Variants in KHDRBS3 observed in about 807,000 individuals in gnomAD.
The protein encoded by KHDRBS3 is KH RNA binding domain containing, signal transduction associated 3, also known as KH domain-containing, RNA-binding, signal transduction-associated protein 3.
A neutral mutation model predicts 45.6 loss-of-function variants in KHDRBS3; 23 were observed. The observed-to-expected ratio is 0.50, with a 90% CI of 0.36 to 0.72. The LOEUF (loss-of-function observed/expected upper bound fraction) is 0.72. Ranked by LOEUF, KHDRBS3 falls within the 30% of genes least tolerant of loss-of-function variation. KHDRBS3 has a pLI of 0.00. For missense variants in KHDRBS3, 352 were observed against 424.8 expected (o/e 0.83, Z 1.51); for synonymous variants, 162 against 156.5 (o/e 1.04, Z -0.26).
intron 1 of KHDRBS3, among the ~76,000 whole-genome samples, chr8:135,509,235 T>A (rs1824156010): frequency 6.6e-6 from 1 of 152,230 alleles, no homozygotes; most frequent in African/African-American, 2.4e-5. Flanking sequence ...GACTTGTTTC[T>A]TGGAAGGTTT....
At chr8:135,548,731 G>A in intron 3 of KHDRBS3, 23 bp from the exon 4 acceptor site, 2 of 1,486,024 alleles carry the variant, frequency 1.3e-6, no homozygotes, top group Non-Finnish European at 1.8e-6. Flanking sequence ...TTTTAAATGT[G>A]ATTTCTTTTT....
intron 7 of KHDRBS3, among the ~76,000 whole-genome samples, chr8:135,630,478 G>GT (rs1249397026): frequency 6.1e-3 from 159 of 26,030 alleles, no homozygotes; most frequent in African/African-American, 0.016. Context: ...GAGTTATAAA[G>GT]TTTAATGTAT....
At chr8:135,521,532 T>A (rs1339665792) in intron 2 of KHDRBS3, among the ~76,000 whole-genome samples, 177 bp downstream of exon 2, 2 of 152,232 alleles carry the variant, frequency 1.3e-5, no homozygotes, top group Non-Finnish European at 2.9e-5. Flanking sequence ...TTCCCTTTAG[T>A]GTGAGTTACA....
At chr8:135,588,531 C>T (rs1828592973) in intron 6 of KHDRBS3, among the ~76,000 whole-genome samples, 1 of 152,132 alleles carries the variant, frequency 6.6e-6, no homozygotes, top group Non-Finnish European at 1.5e-5. Flanking sequence ...AAAGGTGGGA[C>T]AGCAAGTTTC....
intron 7 of KHDRBS3, among the ~76,000 whole-genome samples, chr8:135,616,790 G>C (rs1451631075): frequency 6.6e-6 from 1 of 152,120 alleles, no homozygotes; most frequent in Admixed American, 6.5e-5. Context: ...AAGTCTGTAA[G>C]ATAAAGACCT....
chr8:135,576,316 G>A (rs1014627399), intron 5 of KHDRBS3, among the ~76,000 whole-genome samples: 6 of 152,088 alleles, frequency 3.9e-5, no homozygotes, highest in Admixed American at 1.3e-4. Context: ...TAAGAAGTGG[G>A]GAATTACAGT....
downstream of KHDRBS3, among the ~76,000 whole-genome samples, chr8:135,651,231 T>A (rs1831421948): frequency 6.6e-6 from 1 of 151,956 alleles, no homozygotes; most frequent in South Asian, 2.1e-4. Flanking sequence ...GTCAGTAAGT[T>A]AACCTCTCTA....
At chr8:135,626,348 A>G (rs1428149899) in intron 7 of KHDRBS3, among the ~76,000 whole-genome samples, 1 of 152,252 alleles carries the variant, frequency 6.6e-6, no homozygotes, top group African/African-American at 2.4e-5. Flanking sequence ...TTACAGTAAG[A>G]TGGAGAAACC....
chr8:135,585,449 G>T (rs994395166), intron 6 of KHDRBS3, among the ~76,000 whole-genome samples: 16 of 151,982 alleles, frequency 1.1e-4, no homozygotes, highest in Admixed American at 1.0e-3. Flanking sequence ...TTCCATGAGG[G>T]TAGGCACTCT....
In KHDRBS3 at chr8:135,510,005, G is replaced by A. The variant is rs183603715; in HGVS notation, c.89-11232G>A. 4.3e-3 allele frequency among the ~76,000 whole-genome samples: 526 copies of A among 122,960 alleles called. 6 individuals carry two copies. The highest frequency in any genetic ancestry group is 0.016 in the African/African-American group (479 of 29,776). The allele number at this position is 122,960 out of a possible 152,430, so 80.7% of individuals were successfully genotyped here. ...TTTTTTTTTTTTTGCTTAAAGACCT[G>A]AGTCTCTCTCTCTGTGCAGGCTGGA... On this transcript the variant is annotated intron_variant, in intron 1 of 8. Transcript: ENST00000355849.
chr8:135,521,092 G>T, intron 1 of KHDRBS3, 145 bp from the exon 2 acceptor site: 1 of 618,156 alleles, frequency 1.6e-6, no homozygotes. Context: ...TGATGAAACC[G>T]GAAATGTACT....
chr8:135,564,679 T>C (rs1326036743), intron 5 of KHDRBS3, among the ~76,000 whole-genome samples: 1 of 152,230 alleles, frequency 6.6e-6, no homozygotes, highest in Non-Finnish European at 1.5e-5. Context: ...TGTCTTGACC[T>C]AGCCTCAAAG....
At chr8:135,520,698 C>G (rs1192627370) in intron 1 of KHDRBS3, among the ~76,000 whole-genome samples, 1 of 152,054 alleles carries the variant, frequency 6.6e-6, no homozygotes, top group South Asian at 2.1e-4. Flanking sequence ...ACAAGTAGAG[C>G]GAAGAGCATT....
At chr8:135,512,429 C>G (rs1177017849) in intron 1 of KHDRBS3, among the ~76,000 whole-genome samples, 51 of 78,106 alleles carry the variant, frequency 6.5e-4, no homozygotes, top group African/African-American at 1.3e-3. Flanking sequence ...TTGGAAAAGT[C>G]GGGGGGGGGG....
chr8:135,585,277 T>A (rs1053383870), intron 6 of KHDRBS3, among the ~76,000 whole-genome samples: 2 of 151,874 alleles, frequency 1.3e-5, no homozygotes, highest in African/African-American at 4.8e-5. Flanking sequence ...TCTTGGATTT[T>A]AGATAGGGTG....
chr8:135,465,523 T>G (rs1213349236), intron 1 of KHDRBS3, among the ~76,000 whole-genome samples: 1 of 152,238 alleles, frequency 6.6e-6, no homozygotes. Flanking sequence ...TTAGGAAGCT[T>G]CTTTCATTAA....
downstream of KHDRBS3, among the ~76,000 whole-genome samples, chr8:135,652,331 A>G (rs1357335606): frequency 2.0e-5 from 3 of 152,228 alleles, no homozygotes; most frequent in African/African-American, 7.2e-5. Flanking sequence ...AATGTATTTC[A>G]GTGATTAGCA....
chr8:135,638,853 C>T (rs59696762), intron 7 of KHDRBS3, among the ~76,000 whole-genome samples: 1,342 of 128,014 alleles, frequency 0.01, 13 homozygotes, highest in African/African-American at 0.025. Flanking sequence ...CCCAGCTACT[C>T]GGACGGCTGA....
At chr8:135,558,004 T>C (rs16893408) in intron 5 of KHDRBS3, among the ~76,000 whole-genome samples, 13,199 of 152,200 alleles carry the variant, frequency 0.087, 1,009 homozygotes, top group African/African-American at 0.21. Context: ...TCTTAAATTT[T>C]TTTAAATGAG....
Sources: allele counts gnomAD v4.1 joint callset (sites outside exome capture counted in the v4.1 genomes callset), GRCh38; gene constraint gnomAD v4.1.1; transcripts MANE v1.5; gene names NCBI Gene and HGNC (gene_info 2026-07-23, HGNC 2026-07-21).